The following CCAR1 variants were observed in gnomAD, a reference collection of about 807,000 sequenced individuals.
The protein encoded by CCAR1 is cell division cycle and apoptosis regulator 1.
A neutral mutation model predicts 163.8 loss-of-function variants in CCAR1; 78 were observed. That is an observed-to-expected ratio of 0.48 (90% CI 0.40 to 0.57). The LOEUF (loss-of-function observed/expected upper bound fraction) is 0.57. Ranked by LOEUF, CCAR1 falls within the 20% of genes least tolerant of loss-of-function variation. The pLI is 0.00. For missense variants in CCAR1, 1,019 were observed against 1,365.2 expected (o/e 0.75, Z 4.00); for synonymous variants, 443 against 460.7 (o/e 0.96, Z 0.49).
intron 10 of CCAR1, among the ~76,000 whole-genome samples, chr10:68,752,538 T>C (rs1214697756): frequency 6.6e-6 from 1 of 152,206 alleles, no homozygotes; most frequent in Non-Finnish European, 1.5e-5. Flanking sequence ...ACTTGTTTCA[T>C]GTTTTTATTA....
At chr10:68,752,925 TA>T (rs2056351898) in intron 10 of CCAR1, among the ~76,000 whole-genome samples, 2 of 150,566 alleles carry the variant, frequency 1.3e-5, no homozygotes, top group Non-Finnish European at 3.0e-5. Flanking sequence ...GATAGATAGA[TA>T]GATAGATAGA....
chr10:68,778,346 A>T (rs1270556281), intron 19 of CCAR1, among the ~76,000 whole-genome samples: 1 of 152,152 alleles, frequency 6.6e-6, no homozygotes, highest in Non-Finnish European at 1.5e-5. Flanking sequence ...CTATGTTAGG[A>T]GATTTACATT....
At chr10:68,788,959 G>A (rs914246144) in intron 23 of CCAR1, among the ~76,000 whole-genome samples, 8 of 151,504 alleles carry the variant, frequency 5.3e-5, no homozygotes, top group African/African-American at 1.9e-4. Context: ...ACCCAGGCTG[G>A]AGTGCAGTGG....
At chr10:68,772,891 G>A (rs1005181588) in intron 18 of CCAR1, 97 bp from the exon 19 acceptor site, 4 of 550,034 alleles carry the variant, frequency 7.3e-6, no homozygotes, top group African/African-American at 2.0e-5. Context: ...CCAGTGGATC[G>A]CTTGAGCCCA....
chr10:68,763,869 T>A (rs952894577), intron 16 of CCAR1, among the ~76,000 whole-genome samples: 1 of 152,190 alleles, frequency 6.6e-6, no homozygotes, highest in Non-Finnish European at 1.5e-5. Context: ...TACTAGCATT[T>A]TAAAGCATTT....
At position 68,774,852 on chromosome 10, in the gene CCAR1, C is replaced by G. The variant is rs528985645; in HGVS notation, c.2650+1753C>G. 3 of 339,902 alleles carry G rather than the reference C, an allele frequency of 8.8e-6. No homozygotes were observed. The Admixed American group carries it at 1.4e-4, about 16-fold the overall frequency. 21.1% of individuals were successfully genotyped at this position (339,902 alleles called of 1,614,324 possible). A position where few individuals can be genotyped will look rare whatever the true frequency, so the allele number is the denominator to read the frequency against. ...AATACCTCAAAAGTGCCTCTGAATACCTTACCTGTTCTTTTCTAGGTAGAT... is the reference window on the plus strand; with the variant it reads ...AATACCTCAAAAGTGCCTCTGAATAGCTTACCTGTTCTTTTCTAGGTAGAT... On this transcript the variant is annotated intron_variant, in intron 19 of 24. Coordinates refer to ENST00000265872, the MANE Select transcript of CCAR1 (RefSeq NM_018237.4).
intron 19 of CCAR1, among the ~76,000 whole-genome samples, chr10:68,776,078 C>T (rs1195026373): frequency 6.6e-6 from 1 of 152,020 alleles, no homozygotes; most frequent in Non-Finnish European, 1.5e-5. Context: ...ATTTACCCGC[C>T]TCAGCCTCCC....
chr10:68,734,529 CTG>C (rs1368143879), intron 2 of CCAR1, among the ~76,000 whole-genome samples: 1 of 151,558 alleles, frequency 6.6e-6, no homozygotes, highest in Non-Finnish European at 1.5e-5. Flanking sequence ...CAGAGTCTGA[CTG>C]TGTCACCCAG....
In CCAR1 at chr10:68,789,777, A is replaced by G. The variant is rs987060819; in HGVS notation, c.3255A>G (p.Glu1085=). Residue 1085 remains glutamate (E), a synonymous_variant, in exon 24 of 25, where the codon GAA becomes GAG. Transcript: ENST00000265872. ...AAAGCCTCTCTGGTGAACTCAGAGA[A>G]GTTAAAAAGGACCTTAGTCAGTTAC... ...SNKSLSGELR[E]VKKDLSQLQE... 6.2e-7 allele frequency: 1 copy of G among 1,607,514 alleles called. No homozygotes were observed. The highest frequency in any genetic ancestry group is 1.7e-5 in the Admixed American group (1 of 59,120).
intron 5 of CCAR1, among the ~76,000 whole-genome samples, chr10:68,741,200 G>A (rs992909837): frequency 6.6e-6 from 1 of 151,976 alleles, no homozygotes; most frequent in African/African-American, 2.4e-5. Flanking sequence ...TTACAGGTGC[G>A]AGCCACCATG....
In CCAR1 at chr10:68,788,312, A is replaced by G; in HGVS notation, c.3171A>G (p.Leu1057=). ...CTGAGGTAGAACAGAAGCTGCAGTT[A>G]CTAGAAGAAAAAACAGGTAAGGGTC... is the stretch of plus-strand genomic sequence containing the variant. ...VRAEVEQKLQ[L]LEEKTDEDEK... is the part of the protein sequence containing the mutation. Residue 1057 remains leucine, a synonymous_variant, in exon 23 of 25, where the codon TTA becomes TTG. Coordinates refer to ENST00000265872, the MANE Select transcript of CCAR1 (RefSeq NM_018237.4). The G allele has an allele frequency of 1.9e-6, 3 of 1,564,006 alleles. No individual in the cohort carries two copies. The highest frequency in any genetic ancestry group is 2.6e-6 in the Non-Finnish European group (3 of 1,164,142).
chr10:68,782,646 G>A (rs1433552658), intron 19 of CCAR1, among the ~76,000 whole-genome samples: 3 of 152,124 alleles, frequency 2.0e-5, no homozygotes, highest in Non-Finnish European at 4.4e-5. Flanking sequence ...GTGACTTTAA[G>A]CTGAAGCCAG....
intron 5 of CCAR1, among the ~76,000 whole-genome samples, 157 bp from the exon 6 acceptor site, chr10:68,742,219 T>C (rs1287683738): frequency 1.3e-5 from 2 of 152,204 alleles, no homozygotes; most frequent in African/African-American, 2.4e-5. Flanking sequence ...AAAAATAATT[T>C]ATAGTTTAAT....
At position 68,771,445 on chromosome 10, in the gene CCAR1, G is replaced by A; in HGVS notation, c.2538G>A (p.Lys846=). ...AAAAAGAAGATAGAGATGAAAGGAA[G>A]GTCTGTAATAACAACCTGCTTTAGA... The part of the protein sequence containing the change: ...KDKKEDRDER[K]KEDKRKDDSK... Residue 846 remains lysine (K), a splice_region_variant and synonymous_variant, in exon 18 of 25, where the codon AAG becomes AAA. Transcript: ENST00000265872. The A allele has an allele frequency of 6.4e-7, 1 of 1,572,608 alleles. No homozygotes were observed. The highest frequency in any genetic ancestry group is 8.6e-7 in the Non-Finnish European group (1 of 1,162,914).
chr10:68,748,482 GTTCT>G (rs2056287465), intron 8 of CCAR1, among the ~76,000 whole-genome samples: 1 of 137,952 alleles, frequency 7.2e-6, no homozygotes, highest in African/African-American at 2.7e-5. Flanking sequence ...ATTGTGACAT[GTTCT>G]TTTTTTTTTT....
chr10:68,723,584 C>G lies in CCAR1; in HGVS notation c.73+1007C>G, dbSNP rs542025927. 2.0e-5 allele frequency among the ~76,000 whole-genome samples: 3 copies of G among 150,968 alleles called. No homozygotes were observed. In the East Asian group the frequency reaches 5.9e-4, roughly 30 times the overall value. ...AGTAAATGGGCCGGGCGCGGTGACT[C>G]ATGCCTGTAATCCCAGCACTTTGGG... On this transcript the variant is annotated intron_variant, in intron 2 of 24. Transcript: ENST00000265872.
chr10:68,747,642 AAAAG>A (rs1417799052), intron 8 of CCAR1, 76 bp downstream of exon 8: 28 of 1,348,292 alleles, frequency 2.1e-5, no homozygotes, highest in Non-Finnish European at 2.7e-5. Flanking sequence ...TAATTACAAA[AAAAG>A]GCAGGGATTT....
At chr10:68,747,615 T>C in intron 8 of CCAR1, 49 bp downstream of exon 8, 1 of 1,504,924 alleles carries the variant, frequency 6.6e-7, no homozygotes, top group Non-Finnish European at 9.1e-7. Context: ...TAGTTGTTGA[T>C]AATGTAACTA....
chr10:68,773,801 T>A (rs556257416), intron 19 of CCAR1, among the ~76,000 whole-genome samples: 113 of 152,342 alleles, frequency 7.4e-4, no homozygotes, highest in Middle Eastern at 6.8e-3. Flanking sequence ...AGCCTCAGCC[T>A]GCCAGGCTCA....
Sources: allele counts gnomAD v4.1 joint callset (sites outside exome capture counted in the v4.1 genomes callset), GRCh38; gene constraint gnomAD v4.1.1; transcripts MANE v1.5; gene names NCBI Gene and HGNC (gene_info 2026-07-23, HGNC 2026-07-21).